TOPAZ1: variants seen among roughly 807,000 people sequenced by gnomAD.
TOPAZ1 encodes testis and ovary specific TOPAZ 1, also known as protein TOPAZ1.
In TOPAZ1, 66 loss-of-function variants were observed where a neutral mutation model predicts 172.2. The ratio of observed to expected loss-of-function variants is 0.38; its 90% CI spans 0.31 to 0.47. The LOEUF (loss-of-function observed/expected upper bound fraction) is 0.47. Ranked by LOEUF, TOPAZ1 falls within the 20% of genes least tolerant of loss-of-function variation. The pLI is 0.99. For synonymous variants in TOPAZ1, 681 were observed against 683.9 expected, an observed-to-expected ratio of 1.00 and a Z score of 0.07; for missense variants, 1,822 against 1,972.4, an observed-to-expected ratio of 0.92 and a Z score of 1.44.
At chr3:44,285,162 C>G (rs1700064467) in intron 9 of TOPAZ1, among the ~76,000 whole-genome samples, 1 of 152,082 alleles carries the variant, frequency 6.6e-6, no homozygotes, top group Non-Finnish European at 1.5e-5. Context: ...ATTGACAACC[C>G]TTTTTAAAAA....
downstream of TOPAZ1, among the ~76,000 whole-genome samples, chr3:44,332,464 A>G (rs1018360968): frequency 6.6e-6 from 1 of 152,228 alleles, no homozygotes; most frequent in African/African-American, 2.4e-5. Context: ...ACAAAAATTC[A>G]GAATACTTTC....
At chr3:44,286,064 A>C (rs1276837015) in intron 9 of TOPAZ1, among the ~76,000 whole-genome samples, 1 of 140,984 alleles carries the variant, frequency 7.1e-6, no homozygotes, top group East Asian at 2.1e-4. Flanking sequence ...CAAAAAAAAA[A>C]CCTAACCAGG....
rs191420229 is a variant in TOPAZ1, at chr3:44,258,135, G to A, written c.2955+1857G>A. ...TTTGTAGCTTCCTAAAGTTGCAGCC[G>A]AGGTCATTGATTTGAAACCATTATT... On this transcript the variant is annotated intron_variant, in intron 4 of 19. Transcript: ENST00000309765. 1.3e-3 allele frequency among the ~76,000 whole-genome samples: 196 copies of A among 152,164 alleles called. 1 individual carries two copies. Among genetic ancestry groups the A allele is most frequent in the Non-Finnish European group, 2.4e-3 (164 of 68,002 alleles).
In TOPAZ1 at chr3:44,243,535, A is replaced by C; in HGVS notation, c.1029A>C (p.Thr343=). 6.4e-7 allele frequency: 1 copy of C among 1,551,566 alleles called. No homozygotes were observed. Among genetic ancestry groups the C allele is most frequent in the African/African-American group, 1.4e-5 (1 of 73,182 alleles). The part of the protein sequence containing the change: ...RMKLSEKADE[T]VTEMNFSNEY... ...AGTTGTCTGAAAAAGCAGATGAAAC[A>C]GTTACTGAGATGAACTTCTCTAATG... Residue 343 remains threonine (T), a synonymous_variant, in exon 2 of 20, where the codon ACA becomes ACC. Coordinates refer to ENST00000309765, the MANE Select transcript of TOPAZ1 (RefSeq NM_001145030.2).
chr3:44,284,497 C>T (rs1370980706), intron 9 of TOPAZ1, among the ~76,000 whole-genome samples: 15 of 152,154 alleles, frequency 9.9e-5, no homozygotes, highest in Non-Finnish European at 1.5e-5. Context: ...GTACATACCA[C>T]ATTTTGTTTA....
At chr3:44,316,903 C>T (rs1700456539) in intron 16 of TOPAZ1, among the ~76,000 whole-genome samples, 2 of 152,062 alleles carry the variant, frequency 1.3e-5, no homozygotes, top group Non-Finnish European at 1.5e-5. Flanking sequence ...TTCTCCCAAG[C>T]ATCTCTGTGT....
At chr3:44,251,626 A>G (rs1277307917) in intron 2 of TOPAZ1, among the ~76,000 whole-genome samples, 1 of 152,226 alleles carries the variant, frequency 6.6e-6, no homozygotes, top group Non-Finnish European at 1.5e-5. Flanking sequence ...CTCATATTTC[A>G]TATTCAATTT....
At position 44,244,876 on chromosome 3, in the gene TOPAZ1, C is replaced by G. The variant is rs372746432; in HGVS notation, c.2370C>G (p.Gly790=). ...SKPSNHVSEP[G]NIVSNKEVAS... is the part of the protein sequence containing the mutation. ...CATCTAATCACGTCTCTGAACCAGG[C>G]AATATTGTTTCTAATAAAGAAGTTG... Residue 790 remains glycine, a synonymous_variant, in exon 2 of 20, where the codon GGC becomes GGG. Transcript: ENST00000309765. 5 of 1,551,676 alleles carry G rather than the reference C, an allele frequency of 3.2e-6. No individual in the cohort carries two copies. The East Asian group carries it at 7.3e-5, about 23-fold the overall frequency.
intron 16 of TOPAZ1, among the ~76,000 whole-genome samples, chr3:44,314,367 C>T (rs952720539): frequency 6.6e-6 from 1 of 152,176 alleles, no homozygotes; most frequent in Non-Finnish European, 1.5e-5. Context: ...TGAGTATTCA[C>T]TATCTACCAA....
At chr3:44,286,654 C>A in intron 9 of TOPAZ1, among the ~76,000 whole-genome samples, 1 of 151,782 alleles carries the variant, frequency 6.6e-6, no homozygotes, top group African/African-American at 2.4e-5. Flanking sequence ...GTAATTAACA[C>A]AAAATAAAAC....
At chr3:44,324,145 G>GT (rs1379652675) in intron 18 of TOPAZ1, among the ~76,000 whole-genome samples, 6 of 152,140 alleles carry the variant, frequency 3.9e-5, no homozygotes, top group African/African-American at 1.4e-4. Flanking sequence ...AAATACTAGG[G>GT]TACATTACAG....
intron 19 of TOPAZ1, among the ~76,000 whole-genome samples, chr3:44,329,997 A>G (rs1298544904): frequency 2.6e-5 from 4 of 152,220 alleles, no homozygotes; most frequent in African/African-American, 9.7e-5. Flanking sequence ...CACAAACTCA[A>G]GAGACCCATG....
At chr3:44,333,706 A>G (rs1700694183), downstream of TOPAZ1, among the ~76,000 whole-genome samples, 1 of 152,226 alleles carries the variant, frequency 6.6e-6, no homozygotes, top group African/African-American at 2.4e-5. Flanking sequence ...AACAGTGCCA[A>G]AAGATGGGAA....
At chr3:44,291,811 T>C (rs1358110582) in intron 12 of TOPAZ1, among the ~76,000 whole-genome samples, 2 of 152,182 alleles carry the variant, frequency 1.3e-5, no homozygotes, top group Non-Finnish European at 2.9e-5. Context: ...AATCAACTAC[T>C]GAAATCCTTC....
rs201484200 is a variant in TOPAZ1 at position 44,257,349 on chromosome 3, A to AGG, written c.2955+1074_2955+1075dup. On this transcript the variant is annotated intron_variant, in intron 4 of 19. Transcript: ENST00000309765. ...AGACCTGTCTCAAAAAAGAAAACATAGGGGTGTGTGTGTGTGTGTGTGTGT... is the reference window on the plus strand; with the variant it reads ...AGACCTGTCTCAAAAAAGAAAACATAGGGGGGTGTGTGTGTGTGTGTGTGTGT... 4.3e-3 allele frequency among the ~76,000 whole-genome samples: 399 copies of AGG among 93,580 alleles called. 4 individuals are homozygous for AGG. The highest frequency in any genetic ancestry group is 9.3e-3 in the African/African-American group (225 of 24,310). 61.4% of individuals were successfully genotyped at this position (93,580 alleles called of 152,430 possible). A position where few individuals can be genotyped will look rare whatever the true frequency, so the allele number is the denominator to read the frequency against.
chr3:44,255,545 G>T (rs1699688696), intron 3 of TOPAZ1, among the ~76,000 whole-genome samples: 2 of 151,584 alleles, frequency 1.3e-5, no homozygotes, highest in African/African-American at 2.4e-5. Flanking sequence ...CCAGCTACTT[G>T]GGAGGCTGAG....
intron 6 of TOPAZ1, 109 bp downstream of exon 6, chr3:44,267,245 T>A: frequency 2.2e-6 from 2 of 902,960 alleles, no homozygotes; most frequent in African/African-American, 1.7e-5. Flanking sequence ...TGGAATCATG[T>A]AGAATATGTT....
At chr3:44,268,363 A>ATTT (rs1293339613) in intron 6 of TOPAZ1, among the ~76,000 whole-genome samples, 3 of 91,790 alleles carry the variant, frequency 3.3e-5, no homozygotes, top group Middle Eastern at 0.013. Flanking sequence ...TGTGGTGCCT[A>ATTT]TTCTTTTTTT....
chr3:44,281,078 C>T (rs1281145807), intron 8 of TOPAZ1, among the ~76,000 whole-genome samples: 5 of 152,180 alleles, frequency 3.3e-5, no homozygotes, highest in Non-Finnish European at 5.9e-5. Flanking sequence ...AGTCTGCAGC[C>T]GGAGTGTGGA....
Sources: gnomAD v4.1 joint callset for allele counts (sites outside exome capture counted in the v4.1 genomes callset) on GRCh38, gnomAD v4.1.1 for gene constraint, MANE v1.5 for transcripts, NCBI Gene and HGNC (gene_info 2026-07-23, HGNC 2026-07-21) for gene names.